Variants in NRG1 observed in about 807,000 individuals in gnomAD.
NRG1 encodes the protein pro-neuregulin-1, membrane-bound isoform.
Under a neutral mutation model 63.8 loss-of-function variants are expected in NRG1, and 18 were observed. The ratio of observed to expected loss-of-function variants is 0.28; its 90% CI spans 0.19 to 0.42. The LOEUF is 0.42. Among genes scored for constraint, NRG1 ranks in the 10% least tolerant of loss-of-function variants. NRG1 has a pLI of 1.00. For missense variants in NRG1, 762 were observed against 814.7 expected (o/e 0.94, Z 0.79); for synonymous variants, 302 against 301.3 (o/e 1.00, Z -0.02).
At chr8:31,939,587 T>G (rs1462481908) in intron 1 of NRG1, among the ~76,000 whole-genome samples, 1 of 151,734 alleles carries the variant, frequency 6.6e-6, no homozygotes, top group African/African-American at 2.4e-5. Context: ...ACATTGAATG[T>G]AAATAGCCTA....
chr8:31,830,036 G>A (rs1275696563), intron 1 of NRG1, among the ~76,000 whole-genome samples: 6 of 152,156 alleles, frequency 3.9e-5, no homozygotes, highest in Non-Finnish European at 8.8e-5. Flanking sequence ...CTGGTGAGTT[G>A]ATCTGTTTTG....
At chr8:32,767,861 T>G (rs1831549265) in exon 12 of NRG1, 1 of 152,194 alleles carries the variant, frequency 6.6e-6, no homozygotes, top group Non-Finnish European at 1.5e-5. Context: ...AAAGAATTTA[T>G]TATTCAAAAT....
chr8:32,306,742 A>G (rs781737640), intron 1 of NRG1, among the ~76,000 whole-genome samples: 3 of 152,152 alleles, frequency 2.0e-5, no homozygotes, highest in Admixed American at 6.5e-5. Context: ...GTTGCTCCGA[A>G]TTTTGTGATC....
chr8:32,745,675 G>GGTGTGTGTGTGT (rs139114923), intron 7 of NRG1, among the ~76,000 whole-genome samples: 51,031 of 151,146 alleles, frequency 0.34, 8,561 homozygotes, highest in Middle Eastern at 0.39. Context: ...GTGTGTGGGG[G>GGTGTGTGTGTGT]GTGTGTGTGT....
At chr8:32,500,545 C>T (rs374200475) in intron 1 of NRG1, among the ~76,000 whole-genome samples, 2 of 152,146 alleles carry the variant, frequency 1.3e-5, no homozygotes, top group East Asian at 3.9e-4. Context: ...ACACTGCAGT[C>T]AAAGCCTTAG....
chr8:32,061,811 G>T (rs77363925), intron 1 of NRG1: 11 of 152,002 alleles, frequency 7.2e-5, no homozygotes, highest in Non-Finnish European at 1.5e-4. Flanking sequence ...TAGAGAGGAC[G>T]TAGAAAATGT....
At chr8:31,795,675 T>A (rs906553947) in intron 1 of NRG1, among the ~76,000 whole-genome samples, 24 of 152,198 alleles carry the variant, frequency 1.6e-4, no homozygotes, top group Non-Finnish European at 5.9e-5. Context: ...TCAGCCCATT[T>A]TTTTTTGTTT....
At chr8:32,368,858 A>G (rs1298911587) in intron 1 of NRG1, among the ~76,000 whole-genome samples, 1 of 152,254 alleles carries the variant, frequency 6.6e-6, no homozygotes, top group Non-Finnish European at 1.5e-5. Context: ...ATAGAAAGCT[A>G]TGAAAGTGAA....
intron 7 of NRG1, among the ~76,000 whole-genome samples, chr8:32,773,051 A>G (rs1395243956): frequency 6.6e-6 from 1 of 152,142 alleles, no homozygotes; most frequent in Non-Finnish European, 1.5e-5. Flanking sequence ...GATACCTCTG[A>G]TTTCAAAAGT....
intron 5 of NRG1, among the ~76,000 whole-genome samples, chr8:32,701,488 G>A (rs947263161): frequency 1.3e-5 from 2 of 152,052 alleles, no homozygotes; most frequent in African/African-American, 4.8e-5. Flanking sequence ...AAGACCATGG[G>A]GCCAGCATAT....
chr8:32,052,764 A>G (rs1006046085), intron 1 of NRG1, among the ~76,000 whole-genome samples: 3 of 152,154 alleles, frequency 2.0e-5, no homozygotes, highest in South Asian at 4.1e-4. Context: ...ACAAAATCCT[A>G]AATCACAGTC....
chr8:32,306,802 C>T (rs572831028), intron 1 of NRG1, among the ~76,000 whole-genome samples: 99 of 152,240 alleles, frequency 6.5e-4, no homozygotes, highest in Middle Eastern at 3.4e-3. Flanking sequence ...ATTAATTAAT[C>T]GATTGATTGA....
chr8:32,338,272 C>T (rs10087052), intron 1 of NRG1, among the ~76,000 whole-genome samples: 79,005 of 151,984 alleles, frequency 0.52, 21,405 homozygotes, highest in Non-Finnish European at 0.61. Flanking sequence ...CAGTTATCAC[C>T]GGAAGTTGAC....
At chr8:32,210,296 TACCCAA>T (rs1844559747) in intron 1 of NRG1, among the ~76,000 whole-genome samples, 3 of 152,168 alleles carry the variant, frequency 2.0e-5, no homozygotes, top group African/African-American at 7.2e-5. Context: ...AACACAGGAA[TACCCAA>T]GTACATATTC....
intron 1 of NRG1, among the ~76,000 whole-genome samples, chr8:32,147,720 T>G (rs370447266): frequency 2.6e-5 from 4 of 152,084 alleles, no homozygotes; most frequent in Non-Finnish European, 5.9e-5. Context: ...AATTAATACT[T>G]GTTAAATGGA....
At chr8:32,218,447 C>T (rs1375610696) in intron 1 of NRG1, among the ~76,000 whole-genome samples, 1 of 152,158 alleles carries the variant, frequency 6.6e-6, no homozygotes, top group Non-Finnish European at 1.5e-5. Flanking sequence ...GGGGCTGATC[C>T]ATTCATGACT....
intron 5 of NRG1, chr8:32,647,368 G>T: frequency 4.1e-6 from 4 of 985,322 alleles, no homozygotes; most frequent in Non-Finnish European, 4.8e-6. Context: ...ATGCCTTTCA[G>T]TTTGGGCTAC....
chr8:32,681,911 G>A (rs1283457505), intron 5 of NRG1, among the ~76,000 whole-genome samples: 1 of 152,134 alleles, frequency 6.6e-6, no homozygotes, highest in African/African-American at 2.4e-5. Context: ...AAATCTCAGT[G>A]CAAAATGAGA....
chr8:32,067,506 T>C (rs1004693969), intron 1 of NRG1, among the ~76,000 whole-genome samples: 1 of 152,216 alleles, frequency 6.6e-6, no homozygotes, highest in African/African-American at 2.4e-5. Context: ...GATTTTTGTA[T>C]GTTGAACCAG....
Sources: allele counts gnomAD v4.1 joint callset (sites outside exome capture counted in the v4.1 genomes callset), GRCh38; gene constraint gnomAD v4.1.1; transcripts MANE v1.5; gene names NCBI Gene and HGNC (gene_info 2026-07-23, HGNC 2026-07-21).